The following TMEM117 variants were observed in gnomAD, a reference collection of about 807,000 sequenced individuals.
TMEM117 encodes transmembrane protein 117.
Under a neutral mutation model 52.4 loss-of-function variants are expected in TMEM117, and 27 were observed. The observed-to-expected ratio is 0.51, with a 90% CI of 0.38 to 0.71. The LOEUF (loss-of-function observed/expected upper bound fraction) is 0.71. Ranked by LOEUF, TMEM117 falls within the 30% of genes least tolerant of loss-of-function variation. TMEM117 has a pLI of 0.00. For synonymous variants in TMEM117, 215 were observed against 206.3 expected (o/e 1.04, Z -0.36); for missense variants, 556 against 630.5 (o/e 0.88, Z 1.26).
In TMEM117 at chr12:44,388,249, T is replaced by C. The variant is rs1952119579; in HGVS notation, c.1122T>C (p.Tyr374=). The C allele has an allele frequency of 6.2e-7, 1 of 1,613,538 alleles. No homozygotes were observed. The highest frequency in any genetic ancestry group is 1.1e-5 in the South Asian group (1 of 91,060). The part of the protein sequence containing the change: ...NHTNPRTNKT[Y]VEGDMFLHSR... ...CTAACCCTCGGACTAATAAAACATATGTTGAGGGAGACATGTTCTTACACA... is the reference window on the plus strand; with the variant it reads ...CTAACCCTCGGACTAATAAAACATACGTTGAGGGAGACATGTTCTTACACA... The change falls in exon 8 of 8, where the codon TAT becomes TAC. Residue 374 remains tyrosine (Y), a synonymous_variant. Transcript: ENST00000266534.
At chr12:43,954,909 C>T (rs547413399) in intron 3 of TMEM117, among the ~76,000 whole-genome samples, 1 of 152,316 alleles carries the variant, frequency 6.6e-6, no homozygotes, top group Non-Finnish European at 1.5e-5. Context: ...AGACTGAATC[C>T]AGCAGCACAT....
chr12:44,302,660 T>C (rs1300067975), intron 6 of TMEM117, among the ~76,000 whole-genome samples: 2 of 152,180 alleles, frequency 1.3e-5, no homozygotes, highest in African/African-American at 4.8e-5. Context: ...CCCAGAGTAA[T>C]AACTGCTTGA....
At chr12:44,085,603 T>A (rs766562303) in intron 3 of TMEM117, among the ~76,000 whole-genome samples, 1 of 152,190 alleles carries the variant, frequency 6.6e-6, no homozygotes, top group African/African-American at 2.4e-5. Flanking sequence ...GAAAATACAT[T>A]GAGAAACATA....
At chr12:44,202,485 G>A (rs1949508738) in intron 4 of TMEM117, among the ~76,000 whole-genome samples, 1 of 152,130 alleles carries the variant, frequency 6.6e-6, no homozygotes, top group Non-Finnish European at 1.5e-5. Context: ...TGCATCCTAG[G>A]AATAAAGCCT....
At chr12:43,950,950 C>T (rs1377771675) in intron 3 of TMEM117, among the ~76,000 whole-genome samples, 2 of 152,134 alleles carry the variant, frequency 1.3e-5, no homozygotes, top group Non-Finnish European at 2.9e-5. Context: ...CTGAGGTACC[C>T]AGTTCATCCT....
In TMEM117 at chr12:44,336,748, T is replaced by A. The variant is rs1235876702; in HGVS notation, c.768+37009T>A. ...AAAGCTATATATGTAAAACATGGTA[T>A]CAGTCATAGAGCAAGCACTTTATAA... On this transcript the variant is annotated intron_variant, in intron 6 of 7. Coordinates refer to ENST00000266534, the MANE Select transcript of TMEM117 (RefSeq NM_032256.3). Among the ~76,000 whole-genome samples the A allele has an allele frequency of 3.9e-5, 6 of 152,050 alleles. No individual in the cohort carries two copies. In the East Asian group the frequency reaches 1.2e-3, roughly 30 times the overall value.
At chr12:44,005,491 C>A (rs750684110) in intron 3 of TMEM117, among the ~76,000 whole-genome samples, 2 of 152,176 alleles carry the variant, frequency 1.3e-5, no homozygotes, top group African/African-American at 2.4e-5. Context: ...TTCCATCCAG[C>A]CTTGCTCTGA....
chr12:44,374,499 A>G (rs1431804737), intron 6 of TMEM117, among the ~76,000 whole-genome samples: 1 of 152,096 alleles, frequency 6.6e-6, no homozygotes, highest in Non-Finnish European at 1.5e-5. Context: ...ACAAAAAAGT[A>G]AAGTAATCTT....
chr12:44,111,714 C>T (rs1182934593), intron 3 of TMEM117, among the ~76,000 whole-genome samples: 1 of 141,594 alleles, frequency 7.1e-6, no homozygotes, highest in East Asian at 2.0e-4. Context: ...CTGTAGATGT[C>T]TATTAGGTCC....
At chr12:43,819,527 C>T in the TMEM117 span, among the ~76,000 whole-genome samples, 3 of 152,270 alleles carry the variant, frequency 2.0e-5, no homozygotes, top group East Asian at 5.8e-4. Context: ...GTAATCCCAG[C>T]GCTTTGGGAG....
intron 6 of TMEM117, among the ~76,000 whole-genome samples, chr12:44,374,405 T>A (rs767535688): frequency 4.0e-4 from 61 of 152,244 alleles, no homozygotes; most frequent in Non-Finnish European, 7.8e-4. Flanking sequence ...TTTTAAAAAA[T>A]TCTTACATGG....
At chr12:44,238,099 T>G (rs542571569) in intron 5 of TMEM117, among the ~76,000 whole-genome samples, 79 of 152,224 alleles carry the variant, frequency 5.2e-4, no homozygotes, top group African/African-American at 1.7e-3. Context: ...ACCATTGAAA[T>G]GATTAAATTC....
At chr12:44,396,819 A>C in the TMEM117 span, among the ~76,000 whole-genome samples, 10 of 149,304 alleles carry the variant, frequency 6.7e-5, no homozygotes, top group Admixed American at 6.8e-4. Flanking sequence ...GTGCCTTTGC[A>C]CTCCAGCCTG....
chr12:43,908,654 C>G (rs1296228785), intron 2 of TMEM117, among the ~76,000 whole-genome samples: 3 of 151,976 alleles, frequency 2.0e-5, no homozygotes, highest in African/African-American at 7.2e-5. Context: ...GGAGGAAGAT[C>G]TACCAAGCAA....
At chr12:44,004,204 G>A (rs1392678406) in intron 3 of TMEM117, among the ~76,000 whole-genome samples, 2 of 152,100 alleles carry the variant, frequency 1.3e-5, no homozygotes, top group Non-Finnish European at 2.9e-5. Flanking sequence ...GGACCTGCAC[G>A]ATAAGCTTTG....
chr12:44,278,273 T>G (rs892610986), intron 5 of TMEM117, among the ~76,000 whole-genome samples: 10 of 152,188 alleles, frequency 6.6e-5, no homozygotes, highest in African/African-American at 2.4e-4. Context: ...AGAGCAAGCA[T>G]CATTGGAGAT....
chr12:43,805,566 G>C, the TMEM117 span: 1 of 461,326 alleles, frequency 2.2e-6, no homozygotes, highest in Admixed American at 2.3e-5. Context: ...ATGGAGGTCA[G>C]ATATAACTGC....
In TMEM117 at chr12:44,350,344, T is replaced by G. The variant is rs76610561; in HGVS notation, c.769-26251T>G. 7.2e-5 allele frequency among the ~76,000 whole-genome samples: 11 copies of G among 152,118 alleles called. No homozygotes were observed. In the East Asian group the frequency reaches 1.7e-3, roughly 24 times the overall value. On this transcript the variant is annotated intron_variant, in intron 6 of 7. Transcript: ENST00000266534. The stretch of plus-strand genomic sequence containing the variant: ...CATGAAATGCATAATAATCATATCA[T>G]GGAAATTGGATTATCTGTGCCCCCA...
intron 3 of TMEM117, among the ~76,000 whole-genome samples, chr12:43,966,394 A>G (rs998974340): frequency 2.6e-5 from 4 of 152,330 alleles, no homozygotes; most frequent in African/African-American, 7.2e-5. Context: ...TTGTTATTCA[A>G]ATGAGGACAC....
Sources: allele counts gnomAD v4.1 joint callset (sites outside exome capture counted in the v4.1 genomes callset), GRCh38; gene constraint gnomAD v4.1.1; transcripts MANE v1.5; gene names NCBI Gene and HGNC (gene_info 2026-07-23, HGNC 2026-07-21).